Variants in UPK1B observed in about 807,000 individuals in gnomAD.
The protein encoded by UPK1B is uroplakin-1b.
UPK1B carries 28 observed loss-of-function variants against 34.2 expected under a neutral mutation model. The observed-to-expected ratio is 0.82, with a 90% CI of 0.61 to 1.12. The LOEUF (loss-of-function observed/expected upper bound fraction) is 1.12. UPK1B is among the 50% of genes most tolerant of loss of function. The probability of loss-of-function intolerance (pLI) is 0.00; values close to 1 mark genes in which losing one functional copy is unlikely to be tolerated. For synonymous variants in UPK1B, 81 were observed against 110.4 expected (o/e 0.73, Z 1.67); for missense variants, 325 against 320.9 (o/e 1.01, Z -0.10).
intron 1 of UPK1B, among the ~76,000 whole-genome samples, chr3:119,174,420 T>TA (rs1232145491): frequency 6.6e-6 from 1 of 152,208 alleles, no homozygotes; most frequent in Non-Finnish European, 1.5e-5. Flanking sequence ...TTTATAAACC[T>TA]AAAACTCCAC....
intron 3 of UPK1B, 90 bp from the exon 4 acceptor site, chr3:119,190,155 G>A: frequency 9.8e-7 from 1 of 1,015,674 alleles, no homozygotes; most frequent in Non-Finnish European, 1.5e-6. Flanking sequence ...ATGATTATAT[G>A]ATAAATTTGC....
At chr3:119,190,681 C>T (rs753856522) in intron 4 of UPK1B, among the ~76,000 whole-genome samples, 12 of 152,364 alleles carry the variant, frequency 7.9e-5, no homozygotes, top group Non-Finnish European at 1.8e-4. Context: ...TGTTCTACCT[C>T]AGCTAAGACG....
At chr3:119,192,960 C>A (rs2078050667) in intron 5 of UPK1B, among the ~76,000 whole-genome samples, 1 of 151,592 alleles carries the variant, frequency 6.6e-6, no homozygotes, top group East Asian at 1.9e-4. Flanking sequence ...ATTTTCATCC[C>A]TCTCATCTGC....
chr3:119,193,794 T>C (rs1335421071), intron 5 of UPK1B, among the ~76,000 whole-genome samples: 1 of 152,208 alleles, frequency 6.6e-6, no homozygotes, highest in Non-Finnish European at 1.5e-5. Flanking sequence ...CACATTGTTA[T>C]ATCAATATAT....
chr3:119,187,190 C>T (rs1480631993), intron 2 of UPK1B, among the ~76,000 whole-genome samples: 3 of 152,186 alleles, frequency 2.0e-5, no homozygotes, highest in Non-Finnish European at 2.9e-5. Context: ...TTGTTCTTCT[C>T]ATACAGAGGC....
At chr3:119,190,596 C>T (rs143754563) in intron 4 of UPK1B, among the ~76,000 whole-genome samples, 9 of 152,348 alleles carry the variant, frequency 5.9e-5, no homozygotes, top group Admixed American at 1.3e-4. Context: ...GCCTGACTCC[C>T]AGGGCCCAAG....
At chr3:119,198,960 G>C (rs1038156569) in intron 6 of UPK1B, 97 bp from the exon 7 acceptor site, 1 of 1,351,718 alleles carries the variant, frequency 7.4e-7, no homozygotes. Flanking sequence ...TCAGAATTTT[G>C]AGTAGCATTG....
At chr3:119,199,206 A>G (rs1245390191) in intron 7 of UPK1B, 66 bp downstream of exon 7, 2 of 1,563,620 alleles carry the variant, frequency 1.3e-6, no homozygotes, top group East Asian at 4.5e-5. Flanking sequence ...TGAGAGTGCC[A>G]CTGGTTACCT....
chr3:119,199,143 G>A lies in UPK1B; in HGVS notation c.732+3G>A, dbSNP rs370909440. 2.0e-5 allele frequency: 32 copies of A among 1,613,920 alleles called. No homozygotes were observed. Among genetic ancestry groups the A allele is most frequent in the Non-Finnish European group, 2.5e-5 (29 of 1,179,938 alleles). On this transcript the variant is annotated splice_donor_region_variant and intron_variant, in intron 7 of 7. Coordinates refer to ENST00000264234, the MANE Select transcript of UPK1B (RefSeq NM_006952.4). ...GATTTGCCATTCTCTGCTGGACTGT[G>A]AGTATTTCCCAGCACATATTTTATC...
At chr3:119,174,983 A>C (rs970034966) in intron 1 of UPK1B, among the ~76,000 whole-genome samples, 2 of 150,060 alleles carry the variant, frequency 1.3e-5, no homozygotes, top group African/African-American at 2.4e-5. Context: ...AAAAAAAAGA[A>C]ACTCAGAACT....
chr3:119,196,142 C>G (rs1332882390), intron 6 of UPK1B, among the ~76,000 whole-genome samples: 1 of 152,138 alleles, frequency 6.6e-6, no homozygotes, highest in Non-Finnish European at 1.5e-5. Context: ...TCCTGTGCTC[C>G]TTGTTTCTCA....
chr3:119,199,441 G>C (rs1029430622), intron 7 of UPK1B, among the ~76,000 whole-genome samples: 34 of 151,292 alleles, frequency 2.2e-4, no homozygotes, highest in African/African-American at 7.1e-4. Flanking sequence ...TTAGTGAACT[G>C]CTCCTCCTGG....
At chr3:119,175,288 A>C (rs552278915) in intron 1 of UPK1B, among the ~76,000 whole-genome samples, 2 of 151,936 alleles carry the variant, frequency 1.3e-5, no homozygotes, top group African/African-American at 4.8e-5. Flanking sequence ...CAGCCTCCCA[A>C]AGTGCTGAGA....
intron 3 of UPK1B, among the ~76,000 whole-genome samples, chr3:119,189,168 G>A (rs942339854): frequency 5.9e-5 from 9 of 152,150 alleles, no homozygotes; most frequent in Non-Finnish European, 1.3e-4. Flanking sequence ...TTTCTGGAGC[G>A]TCTTTACCAG....
rs555800307 is a variant in UPK1B at position 119,199,283 on chromosome 3, C to G, written c.732+143C>G. 8.7e-5 allele frequency: 77 copies of G among 880,682 alleles called. No individual in the cohort carries two copies. The East Asian group carries it at 1.1e-3, about 12-fold the overall frequency. 54.6% of individuals were successfully genotyped at this position (880,682 alleles called of 1,614,324 possible). ...AGGCTAGTCAGGAAACTTCTGGCAC[C>G]GGAAGAAGGACAGTGGGTTCTCTTG... On this transcript the variant is annotated intron_variant, in intron 7 of 7. Transcript: ENST00000264234.
At chr3:119,180,684 T>A (rs578253053) in intron 1 of UPK1B, among the ~76,000 whole-genome samples, 1 of 139,334 alleles carries the variant, frequency 7.2e-6, no homozygotes, top group African/African-American at 2.8e-5. Flanking sequence ...TTTTTTTTTT[T>A]TAAATATCCA....
intron 4 of UPK1B, among the ~76,000 whole-genome samples, chr3:119,190,742 C>T (rs1273666431): frequency 6.6e-6 from 1 of 152,144 alleles, no homozygotes; most frequent in Non-Finnish European, 1.5e-5. Flanking sequence ...TTTTCCTAGC[C>T]TAAGCCACCC....
intron 7 of UPK1B, among the ~76,000 whole-genome samples, chr3:119,202,854 T>G (rs375230207): frequency 6.6e-6 from 1 of 152,114 alleles, no homozygotes; most frequent in African/African-American, 2.4e-5. Flanking sequence ...GTGGCCTTGA[T>G]GGCAAAAAGA....
intron 1 of UPK1B, among the ~76,000 whole-genome samples, 191 bp downstream of exon 1, chr3:119,173,829 G>A (rs984980763): frequency 4.6e-5 from 7 of 152,080 alleles, no homozygotes; most frequent in African/African-American, 1.7e-4. Flanking sequence ...TTGAACCGTT[G>A]GAATTGCTTT....
Sources: allele counts gnomAD v4.1 joint callset (sites outside exome capture counted in the v4.1 genomes callset), GRCh38; gene constraint gnomAD v4.1.1; transcripts MANE v1.5; gene names NCBI Gene and HGNC (gene_info 2026-07-23, HGNC 2026-07-21).